The following CEBPZ variants were observed in gnomAD, a reference collection of about 807,000 sequenced individuals.
The protein encoded by CEBPZ is CCAAT enhancer binding protein zeta.
A neutral mutation model predicts 104.5 loss-of-function variants in CEBPZ; 78 were observed. That is an observed-to-expected ratio of 0.75 (90% confidence interval 0.62 to 0.90). The LOEUF is 0.90. Among genes scored for constraint, CEBPZ ranks in the 40% least tolerant of loss-of-function variants. The pLI is 0.00. For missense variants in CEBPZ, 1,439 were observed against 1,233.5 expected (o/e 1.17, Z -2.50); for synonymous variants, 470 against 427.0 (o/e 1.10, Z -1.24).
At position 37,215,384 on chromosome 2, in the gene CEBPZ, A is replaced by T. The variant is rs558794496; in HGVS notation, c.2381-432T>A. On this transcript the variant is annotated intron_variant, in intron 8 of 15. Transcript: ENST00000234170. Reference sequence around the variant, plus strand: ...CTGGGAATAAACAGGAAGTTAACAGAGTTTTCCTTTATACTGAGGAAAACT... The same window carrying T: ...CTGGGAATAAACAGGAAGTTAACAGTGTTTTCCTTTATACTGAGGAAAACT... The T allele has an allele frequency of 1.6e-3, 239 of 153,454 alleles. 1 individual carries two copies. Among genetic ancestry groups the T allele is most frequent in the African/African-American group, 4.0e-3 (168 of 41,566 alleles). The allele number at this position is 153,454 out of a possible 1,614,324, so 9.5% of individuals were successfully genotyped here. A position where few individuals can be genotyped will look rare whatever the true frequency, so the allele number is the denominator to read the frequency against.
At chr2:37,215,787 G>T (rs767616597) in intron 8 of CEBPZ, among the ~76,000 whole-genome samples, 3 of 152,050 alleles carry the variant, frequency 2.0e-5, no homozygotes, top group Non-Finnish European at 4.4e-5. Flanking sequence ...GCTTTAAGAT[G>T]GTCTGAATTG....
chr2:37,209,586 C>T (rs1274632699), intron 13 of CEBPZ: 1 of 152,122 alleles, frequency 6.6e-6, no homozygotes, highest in Non-Finnish European at 1.5e-5. Flanking sequence ...ACTGGCAAGC[C>T]ACATGTAGGA....
At chr2:37,214,838 T>C (rs768511014) in intron 9 of CEBPZ, 48 bp downstream of exon 9, 3 of 1,205,188 alleles carry the variant, frequency 2.5e-6, no homozygotes, top group Admixed American at 1.9e-5. Context: ...AATCTAAAAA[T>C]TTAAATTTTA....
Position 37,213,865 on chromosome 2 carries a change from A to C in CEBPZ, c.2544T>G (p.Ile848Met), listed in dbSNP as rs775048294. 2 of 1,596,928 alleles carry C rather than the reference A, an allele frequency of 1.3e-6. No homozygotes were observed. Among genetic ancestry groups the C allele is most frequent in the Admixed American group, 1.7e-5 (1 of 58,930 alleles). ...DVDDEEFEEL[I>M]DTFEDDNCFS... The stretch of plus-strand genomic sequence containing the variant: ...CAAAGAGTCAACAAAACAAATTACC[A>C]ATCAGCTCTTCAAATTCTTCATCAT... Residue 848 changes from isoleucine (I) to methionine (M), a missense_variant and splice_region_variant, in exon 10 of 16, where the codon ATT becomes ATG. Coordinates refer to ENST00000234170, the MANE Select transcript of CEBPZ (RefSeq NM_005760.3).
chr2:37,225,142 TGTTAA>T (rs1457086633), intron 2 of CEBPZ, among the ~76,000 whole-genome samples: 23 of 152,230 alleles, frequency 1.5e-4, no homozygotes, highest in African/African-American at 4.1e-4. Flanking sequence ...AAATTAACAG[TGTTAA>T]GTTATCTATT....
rs1182228434 is a variant in CEBPZ at position 37,228,582 on chromosome 2, T to A, written c.611A>T (p.Lys204Met). The A allele has an allele frequency of 3.1e-6, 5 of 1,614,222 alleles. No individual in the cohort carries two copies. The African/African-American group carries it at 5.3e-5, about 17-fold the overall frequency. The change falls in exon 2 of 16, where the codon AAG becomes ATG. Residue 204 changes from lysine to methionine, a missense_variant. Physicochemically the swap from Lys to Met is moderately conservative, Grantham distance 95 (BLOSUM62 -1). Coordinates refer to ENST00000234170, the MANE Select transcript of CEBPZ (RefSeq NM_005760.3). The part of the protein sequence containing the change: ...LKPQPQDVVS[K>M]YKTLAQKLYQ... Reference sequence around the variant, plus strand: ...CAGCTTCTGAGCAAGGGTTTTGTACTTAGATACAACATCCTGAGGCTGGGG... The same window carrying A: ...CAGCTTCTGAGCAAGGGTTTTGTACATAGATACAACATCCTGAGGCTGGGG...
At position 37,216,433 on chromosome 2, in the gene CEBPZ, G is replaced by A. The variant is rs770879268; in HGVS notation, c.2209-15C>T. On this transcript the variant is annotated splice_polypyrimidine_tract_variant and intron_variant, in intron 6 of 15. Coordinates refer to ENST00000234170, the MANE Select transcript of CEBPZ (RefSeq NM_005760.3). ...ATATAGTTTCCCTGAAAAGTGGAGC[G>A]GGGATTTAAAAACTTAATTCAAATT... 44 of 1,563,608 alleles carry A rather than the reference G, an allele frequency of 2.8e-5. No homozygotes were observed. The highest frequency in any genetic ancestry group is 1.8e-4 in the Middle Eastern group (1 of 5,480).
intron 11 of CEBPZ, 147 bp downstream of exon 11, chr2:37,212,188 T>A: frequency 9.2e-6 from 9 of 977,752 alleles, no homozygotes; most frequent in Non-Finnish European, 1.4e-5. Flanking sequence ...GCTTTATAAA[T>A]GTCAAAGATG....
intron 15 of CEBPZ, 153 bp downstream of exon 15, chr2:37,202,631 T>G: frequency 2.2e-6 from 1 of 451,796 alleles, no homozygotes; most frequent in Non-Finnish European, 3.6e-6. Flanking sequence ...GGCAAGGGAG[T>G]GAGACGCTGT....
intron 1 of CEBPZ, chr2:37,231,166 A>G: frequency 4.4e-6 from 3 of 675,596 alleles, no homozygotes; most frequent in Non-Finnish European, 5.5e-6. Flanking sequence ...TACCACGTCA[A>G]TAAAATCAGA....
chr2:37,204,659 A>G (rs1677466844), intron 13 of CEBPZ: 1 of 152,134 alleles, frequency 6.6e-6, no homozygotes, highest in African/African-American at 2.4e-5. Context: ...ATTCTTAAGG[A>G]TATCTACTCT....
intron 3 of CEBPZ, 47 bp downstream of exon 3, chr2:37,223,123 A>G: frequency 1.4e-6 from 2 of 1,476,828 alleles, no homozygotes; most frequent in Non-Finnish European, 1.9e-6. Context: ...ACAAAAACCA[A>G]TATATTTCAG....
chr2:37,215,952 A>T (rs1271251486), intron 8 of CEBPZ, among the ~76,000 whole-genome samples, 188 bp downstream of exon 8: 2 of 109,090 alleles, frequency 1.8e-5, no homozygotes, highest in African/African-American at 3.7e-5. Context: ...TAATAAAGTT[A>T]AAAAAAAAAA....
chr2:37,215,650 T>C (rs1324370813), intron 8 of CEBPZ: 1 of 153,314 alleles, frequency 6.5e-6, no homozygotes, highest in East Asian at 1.9e-4. Context: ...ATGTCTGCTT[T>C]GAATACAACA....
Position 37,231,380 on chromosome 2 carries a change from T to C in CEBPZ, c.156+32A>G, listed in dbSNP as rs1369737786. ...AGCCACCTTCGGAACTCTCCACGCC[T>C]GATCCCGTTCCCCGGAGCCCGCGGC... On this transcript the variant is annotated intron_variant, in intron 1 of 15. Coordinates refer to ENST00000234170, the MANE Select transcript of CEBPZ (RefSeq NM_005760.3). The C allele has an allele frequency of 3.7e-6, 6 of 1,612,842 alleles. No homozygotes were observed. In the Admixed American group the frequency reaches 1.0e-4, roughly 27 times the overall value.
intron 8 of CEBPZ, 87 bp downstream of exon 8, chr2:37,216,053 G>C (rs2148354176): frequency 9.9e-7 from 1 of 1,005,906 alleles, no homozygotes; most frequent in Non-Finnish European, 1.5e-6. Context: ...GTTTTATTCT[G>C]ATAAATTAGA....
At chr2:37,207,845 T>G (rs532051939) in intron 13 of CEBPZ, among the ~76,000 whole-genome samples, 1 of 151,656 alleles carries the variant, frequency 6.6e-6, no homozygotes, top group South Asian at 2.1e-4. Context: ...CTACAAAAGA[T>G]AAATGAAACA....
intron 5 of CEBPZ, among the ~76,000 whole-genome samples, chr2:37,219,800 A>G (rs1664724143): frequency 6.6e-6 from 1 of 152,190 alleles, no homozygotes; most frequent in Admixed American, 6.5e-5. Flanking sequence ...AAATAAAGCA[A>G]AATTTATCCA....
At chr2:37,210,820 T>G (rs1677697262) in intron 13 of CEBPZ, 179 bp downstream of exon 13, 1 of 483,140 alleles carries the variant, frequency 2.1e-6, no homozygotes, top group Non-Finnish European at 3.7e-6. Flanking sequence ...CAGAGATATC[T>G]GAATGCGAGA....
Sources: gnomAD v4.1 joint callset for allele counts (sites outside exome capture counted in the v4.1 genomes callset) on GRCh38, gnomAD v4.1.1 for gene constraint, MANE v1.5 for transcripts, NCBI Gene and HGNC (gene_info 2026-07-23, HGNC 2026-07-21) for gene names.